STX8: variants seen among roughly 807,000 people sequenced by gnomAD.
STX8 encodes syntaxin 8.
STX8 carries 23 observed loss-of-function variants against 37.5 expected under a neutral mutation model. That is an observed-to-expected ratio of 0.61 (90% confidence interval 0.44 to 0.87). The LOEUF is 0.87. Among genes scored for constraint, STX8 ranks in the 40% least tolerant of loss-of-function variants. The pLI, the probability that STX8 is intolerant of heterozygous loss-of-function variation, is 0.00. For synonymous variants in STX8, 115 were observed against 99.1 expected, an observed-to-expected ratio of 1.16 and a Z score of -0.95; for missense variants, 313 against 284.7, an observed-to-expected ratio of 1.10 and a Z score of -0.71.
intron 7 of STX8, among the ~76,000 whole-genome samples, chr17:9,339,451 G>A (rs1034962217): frequency 2.0e-5 from 3 of 152,054 alleles, no homozygotes; most frequent in African/African-American, 7.2e-5. Context: ...TCAGGAGATC[G>A]AGAACGTCCT....
intron 6 of STX8, among the ~76,000 whole-genome samples, chr17:9,408,296 C>T (rs969276622): frequency 1.3e-5 from 2 of 152,050 alleles, no homozygotes; most frequent in South Asian, 2.1e-4. Context: ...AGGGTGTAAG[C>T]GTTGGTCACT....
chr17:9,536,229 T>C (rs979696786), intron 4 of STX8, among the ~76,000 whole-genome samples: 1 of 152,172 alleles, frequency 6.6e-6, no homozygotes, highest in South Asian at 2.1e-4. Flanking sequence ...TCTATTGTTA[T>C]GCTTGGAGTG....
At chr17:9,266,673 T>A (rs1907242467) in intron 7 of STX8, among the ~76,000 whole-genome samples, 1 of 152,114 alleles carries the variant, frequency 6.6e-6, no homozygotes, top group South Asian at 2.1e-4. Flanking sequence ...CACTCTGTCA[T>A]CCTGGAGGCT....
chr17:9,390,180 C>T (rs925440706), intron 6 of STX8, among the ~76,000 whole-genome samples: 18 of 152,156 alleles, frequency 1.2e-4, no homozygotes, highest in African/African-American at 2.9e-4. Context: ...GGCTCCTTTC[C>T]GACTTCCTCT....
chr17:9,445,524 T>TGGGGGAGGGGGTTGGGGGGGG (rs1904813897), intron 6 of STX8, among the ~76,000 whole-genome samples: 99 of 25,422 alleles, frequency 3.9e-3, no homozygotes, highest in South Asian at 6.3e-3. Flanking sequence ...GGTTGGGGGG[T>TGGGGGAGGGGGTTGGGGGGGG]GGGGGTGAGG....
chr17:9,276,627 TG>T (rs1345573973), intron 7 of STX8, among the ~76,000 whole-genome samples: 2 of 148,972 alleles, frequency 1.3e-5, no homozygotes, highest in African/African-American at 2.5e-5. Flanking sequence ...TTTATTTGTT[TG>T]TTTTTTTTTT....
At chr17:9,349,378 T>A (rs1211139262) in intron 7 of STX8, among the ~76,000 whole-genome samples, 1 of 146,898 alleles carries the variant, frequency 6.8e-6, no homozygotes, top group Non-Finnish European at 1.5e-5. Context: ...TAGAGTGCAG[T>A]GGCGCAATCT....
intron 7 of STX8, among the ~76,000 whole-genome samples, chr17:9,370,968 G>C (rs985752502): frequency 6.6e-6 from 1 of 151,880 alleles, no homozygotes; most frequent in African/African-American, 2.4e-5. Context: ...CTATCATTGG[G>C]GTGGGGTTGA....
chr17:9,268,229 G>A (rs973541166), intron 7 of STX8, among the ~76,000 whole-genome samples: 6 of 151,390 alleles, frequency 4.0e-5, no homozygotes, highest in Non-Finnish European at 8.8e-5. Context: ...GGAGCAACAC[G>A]AGAGCCTCAG....
At chr17:9,253,724 A>C (rs980268336) in intron 7 of STX8, among the ~76,000 whole-genome samples, 2 of 152,132 alleles carry the variant, frequency 1.3e-5, no homozygotes, top group African/African-American at 4.8e-5. Context: ...TTGGGCCCAG[A>C]AGCTCCATGC....
intron 2 of STX8, among the ~76,000 whole-genome samples, chr17:9,560,455 A>C (rs1907187867): frequency 1.3e-5 from 2 of 151,624 alleles, no homozygotes; most frequent in Admixed American, 6.6e-5. Flanking sequence ...CATAAAGTGA[A>C]AAAAAATCAA....
At chr17:9,303,818 C>G (rs1341006515) in intron 7 of STX8, among the ~76,000 whole-genome samples, 2 of 151,836 alleles carry the variant, frequency 1.3e-5, no homozygotes, top group Non-Finnish European at 2.9e-5. Flanking sequence ...TTAAATGCAG[C>G]AAACAAAACC....
At chr17:9,379,786 T>C (rs1032580492) in intron 6 of STX8, among the ~76,000 whole-genome samples, 1 of 152,010 alleles carries the variant, frequency 6.6e-6, no homozygotes, top group Non-Finnish European at 1.5e-5. Context: ...CTGACCAACA[T>C]GGTGAAACCC....
At chr17:9,528,550 C>T (rs1050663560) in intron 4 of STX8, among the ~76,000 whole-genome samples, 15 of 152,214 alleles carry the variant, frequency 9.9e-5, no homozygotes, top group South Asian at 2.1e-4. Flanking sequence ...CCTCGTGATC[C>T]GCCTGCCTCA....
chr17:9,363,601 A>C lies in STX8; in HGVS notation c.643+14951T>G, dbSNP rs562928254. ...CAGATGAATTAATTGGTAAGCAAACACTACCAGAAAACGCGTACAAACATG... is the reference window on the plus strand; with the variant it reads ...CAGATGAATTAATTGGTAAGCAAACCCTACCAGAAAACGCGTACAAACATG... On this transcript the variant is annotated intron_variant, in intron 7 of 7. Coordinates refer to ENST00000306357, the MANE Select transcript of STX8 (RefSeq NM_004853.3). 2.6e-5 allele frequency among the ~76,000 whole-genome samples: 4 copies of C among 152,348 alleles called. 1 individual carries two copies. In the South Asian group the frequency reaches 8.3e-4, roughly 32 times the overall value.
chr17:9,439,577 C>A (rs912060831), intron 6 of STX8, among the ~76,000 whole-genome samples: 6 of 149,486 alleles, frequency 4.0e-5, no homozygotes, highest in African/African-American at 1.5e-4. Context: ...CTCACTGCAA[C>A]CTCTGCCTCC....
intron 7 of STX8, among the ~76,000 whole-genome samples, chr17:9,278,390 G>A (rs1313805947): frequency 4.0e-5 from 6 of 151,874 alleles, no homozygotes; most frequent in South Asian, 2.1e-4. Flanking sequence ...CGGAGGTTGC[G>A]ATGAGCTGAG....
In STX8 at chr17:9,418,253, T is replaced by C. The variant is rs115905554; in HGVS notation, c.542-39600A>G. Among the ~76,000 whole-genome samples, 114 of 152,078 alleles carry C rather than the reference T, an allele frequency of 7.5e-4. 2 individuals carry two copies. Among genetic ancestry groups the C allele is most frequent in the African/African-American group, 2.6e-3 (107 of 41,492 alleles). On this transcript the variant is annotated intron_variant, in intron 6 of 7. Transcript: ENST00000306357. The stretch of plus-strand genomic sequence containing the variant: ...AGACGTGGTATTGGAAAAGTCCCCA[T>C]ATATTTGTTGTCAGGAGGGAAAAAC...
intron 2 of STX8, among the ~76,000 whole-genome samples, chr17:9,565,190 A>G (rs565610472): frequency 6.6e-6 from 1 of 152,334 alleles, no homozygotes; most frequent in African/African-American, 2.4e-5. Context: ...CATGGGCGAC[A>G]GAGCAAGACT....
Sources: allele counts gnomAD v4.1 joint callset (sites outside exome capture counted in the v4.1 genomes callset), GRCh38; gene constraint gnomAD v4.1.1; transcripts MANE v1.5; gene names NCBI Gene and HGNC (gene_info 2026-07-23, HGNC 2026-07-21).